Variants in PITPNM2 observed in about 807,000 individuals in gnomAD.
The protein encoded by PITPNM2 is phosphatidylinositol transfer protein membrane associated 2.
PITPNM2 carries 35 observed loss-of-function variants against 132.2 expected under a neutral mutation model. The observed-to-expected ratio is 0.26, with a 90% CI of 0.20 to 0.35. PITPNM2 has a LOEUF of 0.35. Ranked by LOEUF, PITPNM2 falls within the 10% of genes least tolerant of loss-of-function variation. The pLI is 1.00. For synonymous variants in PITPNM2, 738 were observed against 799.2 expected, an observed-to-expected ratio of 0.92 and a Z score of 1.29; for missense variants, 1,332 against 1,912.0, an observed-to-expected ratio of 0.70 and a Z score of 5.66.
chr12:123,052,187 A>G (rs1422324645), intron 2 of PITPNM2, among the ~76,000 whole-genome samples: 1 of 145,176 alleles, frequency 6.9e-6, no homozygotes, highest in East Asian at 2.0e-4. Flanking sequence ...TCGACCTCCC[A>G]AAGTGCTGGA....
At chr12:123,138,963 C>T (rs1042460593) in intron 1 of PITPNM2, among the ~76,000 whole-genome samples, 2 of 151,582 alleles carry the variant, frequency 1.3e-5, no homozygotes, top group African/African-American at 4.9e-5. Context: ...CATAGCAAGA[C>T]CCTGTCTCTA....
chr12:123,037,941 T>C (rs1462362508), intron 2 of PITPNM2, among the ~76,000 whole-genome samples: 1 of 152,054 alleles, frequency 6.6e-6, no homozygotes, highest in Admixed American at 6.6e-5. Context: ...ATTGCACAGG[T>C]GCTGTCCACA....
Position 123,058,516 on chromosome 12 carries a change from T to C in PITPNM2, c.-95-23831A>G, listed in dbSNP as rs1358491325. On this transcript the variant is annotated intron_variant, in intron 2 of 25. Coordinates refer to ENST00000320201, the MANE Select transcript of PITPNM2 (RefSeq NM_020845.3). The surrounding 1 kb of genome is among the most constrained non-coding windows in gnomAD (Gnocchi z 4.0). ...CCCAGAATGTCACTGGAAGCCATCA[T>C]GCCCCACCCACAGCCTCTCCAGGGC... Among the ~76,000 whole-genome samples, 1 of 152,220 alleles carries C rather than the reference T, an allele frequency of 6.6e-6. No homozygotes were observed. The highest frequency in any genetic ancestry group is 1.5e-5 in the Non-Finnish European group (1 of 68,026).
chr12:123,054,816 C>T (rs957476416), intron 2 of PITPNM2, among the ~76,000 whole-genome samples: 14 of 152,348 alleles, frequency 9.2e-5, no homozygotes, highest in African/African-American at 3.1e-4. Context: ...GTAATCCCAG[C>T]ACTTTGGGAG....
At chr12:122,995,078 CCA>C in intron 14 of PITPNM2, 99 bp from the exon 15 acceptor site, 3 of 1,328,884 alleles carry the variant, frequency 2.3e-6, no homozygotes, top group Non-Finnish European at 3.0e-6. Context: ...TCTCGGGGGC[CCA>C]CTGGCTTCAG....
Position 122,989,783 on chromosome 12 carries a change from G to C in PITPNM2, c.2731+4C>G. 1 of 1,400,054 alleles carries C rather than the reference G, an allele frequency of 7.1e-7. No individual in the cohort carries two copies. The highest frequency in any genetic ancestry group is 1.8e-5 in the South Asian group (1 of 54,980). The allele number at this position is 1,400,054 out of a possible 1,614,324, so 86.7% of individuals were successfully genotyped here. A position where few individuals can be genotyped will look rare whatever the true frequency, so the allele number is the denominator to read the frequency against. ...CAGTGAGGGGAAAGTGTGTGGGGTG[G>C]TACCTTCTCCAATGTCCAGCTCAGG... is the stretch of plus-strand genomic sequence containing the variant. On this transcript the variant is annotated splice_donor_region_variant and intron_variant, in intron 18 of 25. Coordinates refer to ENST00000320201, the MANE Select transcript of PITPNM2 (RefSeq NM_020845.3).
chr12:122,996,741 C>G lies in PITPNM2; in HGVS notation c.1642G>C (p.Gly548Arg). The change falls in exon 12 of 26, where the codon GGC becomes CGC. Residue 548 changes from glycine to arginine, a missense_variant. Transcript: ENST00000320201. Reference protein sequence around the residue: ...AYGDFIKSQEGMTFNGQVCLI... With the variant: ...AYGDFIKSQERMTFNGQVCLI... The stretch of plus-strand genomic sequence containing the variant: ...CTCACCTGCCCATTGAAGGTCATGC[C>G]CTCCTGGGACTTGATGAAGTCCCCA... 6.2e-7 allele frequency: 1 copy of G among 1,611,382 alleles called. No homozygotes were observed. Among genetic ancestry groups the G allele is most frequent in the East Asian group, 2.2e-5 (1 of 44,880 alleles).
chr12:122,994,273 A>G lies in PITPNM2; in HGVS notation c.2233+528T>C, dbSNP rs184728661. ...GAGTGTAACATGTGTTGCTACTCTC[A>G]GGATTGTGTGGCTCCTGGAGCTTTG... is the stretch of plus-strand genomic sequence containing the variant. On this transcript the variant is annotated intron_variant, in intron 15 of 25. Transcript: ENST00000320201. The surrounding 1 kb of genome is among the most constrained non-coding windows in gnomAD (Gnocchi z 5.4). Among the ~76,000 whole-genome samples, 456 of 152,334 alleles carry G rather than the reference A, an allele frequency of 3.0e-3. 1 individual carries two copies. Among genetic ancestry groups the G allele is most frequent in the Middle Eastern group, 0.01 (3 of 294 alleles).
chr12:123,146,576 A>G (rs957865193), intron 1 of PITPNM2, among the ~76,000 whole-genome samples: 14 of 152,062 alleles, frequency 9.2e-5, no homozygotes, highest in African/African-American at 3.4e-4. Context: ...CCTGGGCAAC[A>G]AGAGCGAAAT....
At chr12:122,989,071 G>T (rs986677978) in intron 18 of PITPNM2, among the ~76,000 whole-genome samples, 199 bp from the exon 19 acceptor site, 2 of 152,236 alleles carry the variant, frequency 1.3e-5, no homozygotes, top group African/African-American at 2.4e-5. Context: ...CAGGACAGTG[G>T]TGAGTGCCAG....
intron 2 of PITPNM2, among the ~76,000 whole-genome samples, chr12:123,085,776 G>A (rs2042094748): frequency 6.6e-6 from 1 of 152,210 alleles, no homozygotes; most frequent in African/African-American, 2.4e-5. Context: ...GGACAATGGT[G>A]GGACCCTCTG....
chr12:123,020,520 T>TA (rs2039623819), intron 3 of PITPNM2, among the ~76,000 whole-genome samples: 1 of 152,116 alleles, frequency 6.6e-6, no homozygotes, highest in Non-Finnish European at 1.5e-5. Flanking sequence ...CTGGTACATG[T>TA]ATAGAGAATG....
rs528135959 is a variant in PITPNM2, at chr12:123,104,687, A to G, written c.-96+5698T>C. Among the ~76,000 whole-genome samples, 19 of 151,624 alleles carry G rather than the reference A, an allele frequency of 1.3e-4. No homozygotes were observed. The South Asian group carries it at 3.3e-3, about 27-fold the overall frequency. ...AATCTTATAAAACAGCCCCACCCCT[A>G]TCTCCCTTCGCTGACTCTCTTTTCT... is the stretch of plus-strand genomic sequence containing the variant. On this transcript the variant is annotated intron_variant, in intron 2 of 25. Transcript: ENST00000320201.
Position 123,113,299 on chromosome 12 carries a change from C to T in PITPNM2, c.-199-2811G>A, listed in dbSNP as rs556441044. On this transcript the variant is annotated intron_variant, in intron 1 of 25. Coordinates refer to ENST00000320201, the MANE Select transcript of PITPNM2 (RefSeq NM_020845.3). Reference sequence around the variant, plus strand: ...CCCATACGTATGGTAGGTGGAACCACGGCAAACTGTCCAGAGTGCTGACAA... The same window carrying T: ...CCCATACGTATGGTAGGTGGAACCATGGCAAACTGTCCAGAGTGCTGACAA... Among the ~76,000 whole-genome samples, 5 of 152,304 alleles carry T rather than the reference C, an allele frequency of 3.3e-5. No individual in the cohort carries two copies. The South Asian group carries it at 6.2e-4, about 19-fold the overall frequency.
intron 1 of PITPNM2, among the ~76,000 whole-genome samples, chr12:123,122,257 G>T (rs1467023234): frequency 1.4e-4 from 22 of 152,168 alleles, no homozygotes; most frequent in Non-Finnish European, 4.4e-5. Flanking sequence ...GAGGTCGGGA[G>T]TTCGAGACCA....
chr12:123,126,133 T>G (rs1418212943), intron 1 of PITPNM2, among the ~76,000 whole-genome samples: 1 of 152,016 alleles, frequency 6.6e-6, no homozygotes, highest in African/African-American at 2.4e-5. Context: ...CCTCCCAAAG[T>G]GCTGGGATTA....
In PITPNM2 at chr12:123,004,582, G is replaced by A. The variant is rs764271551; in HGVS notation, c.953-93C>T. 212 of 1,155,200 alleles carry A rather than the reference G, an allele frequency of 1.8e-4. No homozygotes were observed. Among genetic ancestry groups the A allele is most frequent in the Non-Finnish European group, 2.6e-4 (200 of 775,676 alleles). 71.6% of individuals were successfully genotyped at this position (1,155,200 alleles called of 1,614,324 possible). ...CAGGAGGCAGGGAGGGCCACCCACAGGCCTGACAGGCATCACAGAGGCTGC... is the reference window on the plus strand; with the variant it reads ...CAGGAGGCAGGGAGGGCCACCCACAAGCCTGACAGGCATCACAGAGGCTGC... On this transcript the variant is annotated intron_variant, in intron 7 of 25. Coordinates refer to ENST00000320201, the MANE Select transcript of PITPNM2 (RefSeq NM_020845.3). This position sits in a 1 kb window ranked among gnomAD's most constrained non-coding sequence, Gnocchi z 4.9.
rs776387802 is a variant in PITPNM2, at chr12:123,108,975, C to T, written c.-96+1410G>A. Among the ~76,000 whole-genome samples, 21 of 152,188 alleles carry T rather than the reference C, an allele frequency of 1.4e-4. No homozygotes were observed. The highest frequency in any genetic ancestry group is 2.6e-4 in the Non-Finnish European group (18 of 68,028). ...CCAGGTCTAGACTCGGGGTCCAATC[C>T]CAATCCCACCACTGACTAGCTGTGC... On this transcript the variant is annotated intron_variant, in intron 2 of 25. Transcript: ENST00000320201. This position sits in a 1 kb window ranked among gnomAD's most constrained non-coding sequence, Gnocchi z 4.4.
At chr12:123,147,682 A>T (rs935589277) in intron 1 of PITPNM2, among the ~76,000 whole-genome samples, 2 of 152,158 alleles carry the variant, frequency 1.3e-5, no homozygotes, top group Non-Finnish European at 2.9e-5. Flanking sequence ...GAAGCCAAGG[A>T]GAAGAGGAGA....
Sources: gnomAD v4.1 joint callset for allele counts (sites outside exome capture counted in the v4.1 genomes callset) on GRCh38, gnomAD v4.1.1 for gene constraint, Gnocchi (gnomAD v3.1) non-coding constraint, MANE v1.5 for transcripts, NCBI Gene and HGNC (gene_info 2026-07-23, HGNC 2026-07-21) for gene names.